The following SULF2 variants were observed in gnomAD, a reference collection of about 807,000 sequenced individuals.
SULF2 encodes the protein sulfatase 2.
SULF2 carries 52 observed loss-of-function variants against 107.7 expected under a neutral mutation model. The observed-to-expected ratio is 0.48, with a 90% CI of 0.39 to 0.61. The LOEUF (loss-of-function observed/expected upper bound fraction) is 0.61. Among genes scored for constraint, SULF2 ranks in the 20% least tolerant of loss-of-function variants. The pLI is 0.00. For missense variants in SULF2, 993 were observed against 1,177.3 expected, an observed-to-expected ratio of 0.84 and a Z score of 2.29; for synonymous variants, 460 against 464.3, an observed-to-expected ratio of 0.99 and a Z score of 0.12.
At chr20:47,727,083 G>C (rs528280590) in intron 3 of SULF2, among the ~76,000 whole-genome samples, 74 of 151,954 alleles carry the variant, frequency 4.9e-4, no homozygotes, top group Admixed American at 1.0e-3. Context: ...TTTAATGTGT[G>C]AAAGAAACCA....
chr20:47,665,151 C>T, intron 14 of SULF2, 48 bp downstream of exon 14: 2 of 1,203,264 alleles, frequency 1.7e-6, no homozygotes, highest in Non-Finnish European at 2.5e-6. Flanking sequence ...ACTGAACTGT[C>T]CTGTAGGAGA....
chr20:47,719,759 C>A (rs1050288131), intron 3 of SULF2, among the ~76,000 whole-genome samples: 2 of 152,178 alleles, frequency 1.3e-5, no homozygotes, highest in African/African-American at 4.8e-5. Flanking sequence ...CATAAGGTCT[C>A]TATTGCAATG....
At chr20:47,756,647 CT>C (rs11372876) in intron 2 of SULF2, among the ~76,000 whole-genome samples, 138 of 135,972 alleles carry the variant, frequency 1.0e-3, no homozygotes, top group African/African-American at 1.5e-3. Flanking sequence ...CATGTCTCAT[CT>C]TTTTTTTTTT....
intron 2 of SULF2, among the ~76,000 whole-genome samples, chr20:47,745,402 AAAAAAAAAATATATAT>A (rs2089998238): frequency 3.4e-4 from 9 of 26,828 alleles, no homozygotes; most frequent in South Asian, 1.9e-3. Flanking sequence ...AAAAAAAAAA[AAAAAAAAAATATATAT>A]ATATATATAT....
intron 1 of SULF2, among the ~76,000 whole-genome samples, chr20:47,783,206 T>C (rs772501075): frequency 6.6e-6 from 1 of 150,902 alleles, no homozygotes; most frequent in African/African-American, 2.5e-5. Context: ...AAGTCTGGAC[T>C]AAACCTTTTC....
chr20:47,691,396 G>A (rs2088192276), intron 4 of SULF2, among the ~76,000 whole-genome samples: 1 of 152,144 alleles, frequency 6.6e-6, no homozygotes, highest in African/African-American at 2.4e-5. Context: ...GAAGGAGCTG[G>A]GCATAGGAAG....
At position 47,658,015 on chromosome 20, in the gene SULF2, T is replaced by G; in HGVS notation, c.*347A>C. The G allele has an allele frequency of 6.4e-6, 2 of 310,994 alleles. No homozygotes were observed. Among genetic ancestry groups the G allele is most frequent in the Non-Finnish European group, 1.2e-5 (2 of 167,250 alleles). 19.3% of individuals were successfully genotyped at this position (310,994 alleles called of 1,614,324 possible). On this transcript the variant is annotated 3_prime_UTR_variant, in exon 21 of 21. Coordinates refer to ENST00000688720, the MANE Select transcript of SULF2 (RefSeq NM_001387048.1). ...TTAAAAATTCCAATGACTTTCGCCC[T>G]TGGGAGAAATTTCCAAGGAAATCTC...
chr20:47,783,276 T>G (rs1366383357), intron 1 of SULF2, among the ~76,000 whole-genome samples: 2 of 152,236 alleles, frequency 1.3e-5, no homozygotes, highest in African/African-American at 2.4e-5. Flanking sequence ...GCTTCTGGAC[T>G]CCTTCTGCAG....
intron 3 of SULF2, among the ~76,000 whole-genome samples, chr20:47,735,362 T>C (rs973759386): frequency 6.6e-6 from 1 of 152,246 alleles, no homozygotes; most frequent in Non-Finnish European, 1.5e-5. Context: ...TGTGCCGGCA[T>C]ATTTTAAAAT....
At chr20:47,668,848 G>C (rs2087367477) in intron 11 of SULF2, among the ~76,000 whole-genome samples, 1 of 152,088 alleles carries the variant, frequency 6.6e-6, no homozygotes. Context: ...ACCACCCTCG[G>C]CCACACCGGT....
chr20:47,674,237 G>A (rs371430846), intron 10 of SULF2, among the ~76,000 whole-genome samples: 38 of 152,366 alleles, frequency 2.5e-4, no homozygotes, highest in African/African-American at 7.0e-4. Context: ...CACATGGCCC[G>A]TCCCGAGGCT....
intron 2 of SULF2, among the ~76,000 whole-genome samples, chr20:47,743,441 C>T (rs117748247): frequency 0.068 from 10,401 of 152,158 alleles, 455 homozygotes; most frequent in East Asian, 0.16. Flanking sequence ...TCCTGAGTAG[C>T]TGGAATTACA....
Position 47,663,563 on chromosome 20 carries a change from T to G in SULF2, c.2117A>C (p.Lys706Thr). 6.2e-7 allele frequency: 1 copy of G among 1,611,978 alleles called. No homozygotes were observed. Among genetic ancestry groups the G allele is most frequent in the Non-Finnish European group, 8.5e-7 (1 of 1,179,472 alleles). The change falls in exon 16 of 21, where the codon AAA becomes ACA. Residue 706 changes from lysine to threonine, a missense_variant. Lys to Thr is a moderately conservative substitution (Grantham distance 78). This residue lies in a region of SULF2 where 497 missense variants were observed against 544.1 expected (regional missense o/e 0.91). Coordinates refer to ENST00000688720, the MANE Select transcript of SULF2 (RefSeq NM_001387048.1). ...CAGGCGCTTGAGCAGCTTGCGGAGT[T>G]TCTTCTTGCGCTTCTGCTCCCGCAA... ...WLLREQKRKK[K>T]LRKLLKRLQN...
rs566240966 is a variant in SULF2 at position 47,671,886 on chromosome 20, T to G, written c.1576+312A>C. Reference sequence around the variant, plus strand: ...TGAGCCACCACATCTGGCTAATTGTTGTATTTTTAGACGGGGTTTTACCAT... The same window carrying G: ...TGAGCCACCACATCTGGCTAATTGTGGTATTTTTAGACGGGGTTTTACCAT... On this transcript the variant is annotated intron_variant, in intron 11 of 20. Coordinates refer to ENST00000688720, the MANE Select transcript of SULF2 (RefSeq NM_001387048.1). Among the ~76,000 whole-genome samples the G allele has an allele frequency of 7.0e-4, 106 of 152,130 alleles. 2 individuals carry two copies. In the South Asian group the frequency reaches 0.012, roughly 17 times the overall value.
intron 1 of SULF2, among the ~76,000 whole-genome samples, chr20:47,781,737 T>A (rs998145860): frequency 6.6e-6 from 1 of 152,074 alleles, no homozygotes; most frequent in Non-Finnish European, 1.5e-5. Flanking sequence ...ATGATCATCA[T>A]CATTTGTTGG....
At position 47,672,362 on chromosome 20, in the gene SULF2, T is replaced by C. The variant is rs762384744; in HGVS notation, c.1412A>G (p.Lys471Arg). 2.5e-6 allele frequency: 4 copies of C among 1,612,382 alleles called. No homozygotes were observed. The Admixed American group carries it at 6.7e-5, about 27-fold the overall frequency. The change falls in exon 11 of 21, where the codon AAG becomes AGG. Residue 471 changes from lysine to arginine, a missense_variant. This residue lies in a region of SULF2 where 497 missense variants were observed against 544.1 expected (regional missense o/e 0.91). Transcript: ENST00000688720. ...GCCCTTGCACTTATGCAGCTTCAGC[T>C]TCCCCGTGGCGTCCTCCACACACTG... ...KWQCVEDATGKLKLHKCKGPM... is the reference protein window; with the variant it reads ...KWQCVEDATGRLKLHKCKGPM...
At position 47,672,285 on chromosome 20, in the gene SULF2, A is replaced by G. The variant is rs776013044; in HGVS notation, c.1489T>C (p.Tyr497His). 1.9e-6 allele frequency: 3 copies of G among 1,613,408 alleles called. No homozygotes were observed. The highest frequency in any genetic ancestry group is 1.3e-5 in the African/African-American group (1 of 74,906). ...GTGCAGGCCTCGCTGCCCTGCCCGT[A>G]GTACTTGGGCACGAGGTTGGAGAGG... ...RALSNLVPKY[Y>H]GQGSEACTCD... The change falls in exon 11 of 21, where the codon TAC becomes CAC. Residue 497 changes from tyrosine (Y) to histidine (H), a missense_variant. By Grantham distance (83) the Tyr-to-His change is moderately conservative. Around this residue, in one of 3 missense-constraint regions of SULF2, gnomAD observed 497 missense variants for 544.1 expected, o/e 0.91. Transcript: ENST00000688720.
At chr20:47,727,090 A>G (rs77794841) in intron 3 of SULF2, among the ~76,000 whole-genome samples, 1,818 of 152,074 alleles carry the variant, frequency 0.012, 43 homozygotes, top group African/African-American at 0.041. Flanking sequence ...TGTGAAAGAA[A>G]CCAGCCGTCA....
chr20:47,765,794 A>T (rs1408950571), intron 1 of SULF2, among the ~76,000 whole-genome samples: 2 of 152,198 alleles, frequency 1.3e-5, no homozygotes, highest in Admixed American at 1.3e-4. Flanking sequence ...GCACACAGAC[A>T]TTCTGACCCC....
Sources: gnomAD v4.1 joint callset for allele counts (sites outside exome capture counted in the v4.1 genomes callset) on GRCh38, gnomAD v4.1.1 for gene constraint, gnomAD v4.1.1 regional missense constraint, MANE v1.5 for transcripts, NCBI Gene and HGNC (gene_info 2026-07-23, HGNC 2026-07-21) for gene names.